The following DPP10 variants were observed in gnomAD, a reference collection of about 807,000 sequenced individuals.
DPP10 encodes dipeptidyl peptidase like 10, also known as inactive dipeptidyl peptidase 10.
Under a neutral mutation model 120.9 loss-of-function variants are expected in DPP10, and 33 were observed. That is an observed-to-expected ratio of 0.27 (90% CI 0.21 to 0.37). DPP10 has a LOEUF of 0.37. Among genes scored for constraint, DPP10 ranks in the 10% least tolerant of loss-of-function variants. The probability of loss-of-function intolerance (pLI) is 1.00; values close to 1 mark genes in which losing one functional copy is unlikely to be tolerated. For synonymous variants in DPP10, 337 were observed against 326.1 expected (o/e 1.03, Z -0.36); for missense variants, 816 against 942.8 (o/e 0.87, Z 1.76).
intron 3 of DPP10, among the ~76,000 whole-genome samples, chr2:115,437,765 T>G (rs1466542297): frequency 1.3e-5 from 2 of 151,962 alleles, no homozygotes; most frequent in Admixed American, 6.6e-5. Flanking sequence ...AGAAAATAGG[T>G]GTGAATTTTG....
At chr2:115,113,807 C>T (rs1274462661) in intron 1 of DPP10, among the ~76,000 whole-genome samples, 1 of 152,138 alleles carries the variant, frequency 6.6e-6, no homozygotes, top group East Asian at 1.9e-4. Flanking sequence ...AGAACTTGTG[C>T]AACCCTTAAT....
intron 5 of DPP10, among the ~76,000 whole-genome samples, chr2:115,653,068 T>C (rs191580338): frequency 1.3e-5 from 2 of 152,152 alleles, no homozygotes; most frequent in Admixed American, 1.3e-4. Context: ...GTCTGGTTTA[T>C]ACTTCACACA....
intron 1 of DPP10, among the ~76,000 whole-genome samples, chr2:114,615,944 T>C (rs1279945609): frequency 6.6e-6 from 1 of 152,188 alleles, no homozygotes; most frequent in Non-Finnish European, 1.5e-5. Flanking sequence ...ATGGTAATTA[T>C]AATATAATGT....
intron 1 of DPP10, among the ~76,000 whole-genome samples, chr2:114,564,116 G>C (rs990726905): frequency 6.6e-6 from 1 of 152,078 alleles, no homozygotes; most frequent in Non-Finnish European, 1.5e-5. Flanking sequence ...TGTCCTGTGC[G>C]GAGTAAAAGA....
chr2:114,743,964 A>G (rs2106000312), intron 1 of DPP10, among the ~76,000 whole-genome samples: 1 of 152,268 alleles, frequency 6.6e-6, no homozygotes, highest in South Asian at 2.1e-4. Flanking sequence ...GGTTATAAGT[A>G]TTCTAAGCAA....
At chr2:114,856,058 T>C (rs1553442270) in intron 1 of DPP10, among the ~76,000 whole-genome samples, 1 of 151,592 alleles carries the variant, frequency 6.6e-6, no homozygotes, top group Non-Finnish European at 1.5e-5. Flanking sequence ...AAAAAGGCTA[T>C]AACAAAAAAA....
Position 115,462,206 on chromosome 2 carries a change from A to G in DPP10, c.272-37304A>G, listed in dbSNP as rs142434771. Among the ~76,000 whole-genome samples the G allele has an allele frequency of 3.5e-3, 540 of 152,222 alleles. 3 individuals carry two copies. The highest frequency in any genetic ancestry group is 6.8e-3 in the Middle Eastern group (2 of 294). ...CAAGACAGAGGTCTAGAATTCCTCT[A>G]TGCCTCCCTTTTCCTGGTCCTTTCC... On this transcript the variant is annotated intron_variant, in intron 3 of 25. Transcript: ENST00000410059.
intron 3 of DPP10, among the ~76,000 whole-genome samples, chr2:115,423,655 C>T (rs1363639025): frequency 6.6e-6 from 1 of 152,042 alleles, no homozygotes; most frequent in Non-Finnish European, 1.5e-5. Flanking sequence ...AGACCCTGGA[C>T]ATCATAGATT....
At chr2:115,517,984 T>C (rs1175887460) in intron 4 of DPP10, among the ~76,000 whole-genome samples, 1 of 152,140 alleles carries the variant, frequency 6.6e-6, no homozygotes, top group Non-Finnish European at 1.5e-5. Context: ...TTATTCATAG[T>C]GGAAGGTAAA....
intron 3 of DPP10, among the ~76,000 whole-genome samples, chr2:115,456,740 C>T (rs533328700): frequency 1.3e-5 from 2 of 152,206 alleles, no homozygotes; most frequent in African/African-American, 2.4e-5. Flanking sequence ...TGCTCTCACT[C>T]ATAAGTGGGA....
intron 5 of DPP10, among the ~76,000 whole-genome samples, chr2:115,653,879 T>A (rs1044732411): frequency 2.0e-5 from 3 of 151,892 alleles, no homozygotes; most frequent in African/African-American, 7.2e-5. Flanking sequence ...ACCTCCTTTT[T>A]GTTATCCATG....
At chr2:115,075,221 A>G (rs917956195) in intron 1 of DPP10, among the ~76,000 whole-genome samples, 2 of 152,258 alleles carry the variant, frequency 1.3e-5, no homozygotes, top group African/African-American at 2.4e-5. Flanking sequence ...ATAAAATAGC[A>G]TAATCTAATC....
At chr2:114,675,084 G>A (rs1233835806) in intron 1 of DPP10, among the ~76,000 whole-genome samples, 1 of 152,062 alleles carries the variant, frequency 6.6e-6, no homozygotes, top group Admixed American at 6.6e-5. Context: ...CTGTCTTAAT[G>A]TTTTGAAATT....
intron 1 of DPP10, among the ~76,000 whole-genome samples, chr2:115,247,727 CAAAG>C (rs2058594694): frequency 1.3e-5 from 2 of 151,992 alleles, no homozygotes; most frequent in Non-Finnish European, 2.9e-5. Context: ...GAGGTAAAAA[CAAAG>C]AAACAGAAAT....
chr2:114,663,009 G>A (rs977678372), intron 1 of DPP10, among the ~76,000 whole-genome samples: 1 of 152,094 alleles, frequency 6.6e-6, no homozygotes, highest in African/African-American at 2.4e-5. Flanking sequence ...GAAGTTTGAT[G>A]AATGGTGTTA....
intron 3 of DPP10, among the ~76,000 whole-genome samples, chr2:115,381,346 G>A (rs189387003): frequency 2.2e-4 from 34 of 151,890 alleles, no homozygotes; most frequent in East Asian, 7.8e-4. Context: ...TGATCGCGTC[G>A]GCTCCTGAGG....
chr2:115,644,557 G>A (rs1242720341), intron 5 of DPP10, among the ~76,000 whole-genome samples: 1 of 151,940 alleles, frequency 6.6e-6, no homozygotes, highest in Non-Finnish European at 1.5e-5. Flanking sequence ...GATTACTTGA[G>A]GCTAGGAGTT....
intron 17 of DPP10, among the ~76,000 whole-genome samples, chr2:115,790,779 A>C (rs1683883759): frequency 6.6e-6 from 1 of 152,172 alleles, no homozygotes; most frequent in Non-Finnish European, 1.5e-5. Context: ...TGTGAATCGC[A>C]TCTCATTTGG....
rs965123392 is a variant in DPP10, at chr2:115,398,893, G to C, written c.271+54981G>C. ...GATGTTTTAATTTATGTTATAGTTT[G>C]AGATACACCAAATCAAAGGAACAAG... is the stretch of plus-strand genomic sequence containing the variant. On this transcript the variant is annotated intron_variant, in intron 3 of 25. Transcript: ENST00000410059. 5.9e-5 allele frequency among the ~76,000 whole-genome samples: 9 copies of C among 152,202 alleles called. No individual in the cohort carries two copies. The East Asian group carries it at 1.4e-3, about 23-fold the overall frequency.
Sources: allele counts gnomAD v4.1 joint callset (sites outside exome capture counted in the v4.1 genomes callset), GRCh38; gene constraint gnomAD v4.1.1; transcripts MANE v1.5; gene names NCBI Gene and HGNC (gene_info 2026-07-23, HGNC 2026-07-21).